LHFPL3: variants seen among roughly 807,000 people sequenced by gnomAD.
LHFPL3 encodes the protein LHFPL tetraspan subfamily member 3.
In LHFPL3, 5 loss-of-function variants were observed where a neutral mutation model predicts 19.3. The ratio of observed to expected loss-of-function variants is 0.26; its 90% confidence interval spans 0.14 to 0.54. LHFPL3 has a LOEUF of 0.54. Ranked by LOEUF, LHFPL3 falls within the 20% of genes least tolerant of loss-of-function variation. The probability of loss-of-function intolerance (pLI) is 0.94; values close to 1 mark genes in which losing one functional copy is unlikely to be tolerated. For missense variants in LHFPL3, 249 were observed against 307.4 expected (o/e 0.81, Z 1.42); for synonymous variants, 133 against 126.2 (o/e 1.05, Z -0.36).
intron 1 of LHFPL3, among the ~76,000 whole-genome samples, chr7:104,561,855 G>C (rs1790011582): frequency 6.6e-6 from 1 of 152,102 alleles, no homozygotes; most frequent in South Asian, 2.1e-4. Context: ...GCTTCCTTCA[G>C]GAGCTCTTGT....
intron 1 of LHFPL3, among the ~76,000 whole-genome samples, chr7:104,577,434 T>G (rs570344724): frequency 1.3e-5 from 2 of 152,300 alleles, no homozygotes; most frequent in Admixed American, 1.3e-4. Flanking sequence ...AGGAACAGTG[T>G]TAATCCTGTT....
At chr7:104,458,231 G>C (rs2116614739) in intron 1 of LHFPL3, among the ~76,000 whole-genome samples, 1 of 152,072 alleles carries the variant, frequency 6.6e-6, no homozygotes, top group Admixed American at 6.5e-5. Context: ...TTTTCTTCTA[G>C]GGTTTTTATG....
intron 1 of LHFPL3, among the ~76,000 whole-genome samples, chr7:104,591,082 G>A (rs1790710892): frequency 6.6e-6 from 1 of 152,148 alleles, no homozygotes; most frequent in Non-Finnish European, 1.5e-5. Context: ...GCCAGTCTGT[G>A]TCTTTTAATT....
At chr7:104,430,391 T>TATATATATATAC (rs1791946814) in intron 1 of LHFPL3, among the ~76,000 whole-genome samples, 5 of 51,034 alleles carry the variant, frequency 9.8e-5, no homozygotes, top group African/African-American at 4.9e-4. Flanking sequence ...TACATATATA[T>TATATATATATAC]ATATATATAT....
chr7:104,527,495 G>A (rs919177250), intron 1 of LHFPL3, among the ~76,000 whole-genome samples: 2 of 152,190 alleles, frequency 1.3e-5, no homozygotes, highest in Admixed American at 1.3e-4. Flanking sequence ...AAGGGGAACA[G>A]AGTTTCTGCA....
rs190128328 is a variant in LHFPL3 at position 104,367,535 on chromosome 7, G to C, written c.445+38311G>C. ...ATCAAATGAGCTATTTATGGCTTTG[G>C]GGTATAGATCGTCAGATGTTAAGCA... On this transcript the variant is annotated intron_variant, in intron 1 of 2. Coordinates refer to ENST00000424859, the MANE Select transcript of LHFPL3 (RefSeq NM_199000.3). Among the ~76,000 whole-genome samples the C allele has an allele frequency of 5.3e-5, 8 of 152,274 alleles. No homozygotes were observed. The East Asian group carries it at 1.5e-3, about 29-fold the overall frequency.
chr7:104,806,192 C>T (rs895066125), intron 2 of LHFPL3, among the ~76,000 whole-genome samples: 1 of 152,214 alleles, frequency 6.6e-6, no homozygotes, highest in African/African-American at 2.4e-5. Flanking sequence ...ATCTAACTGA[C>T]ATTTAGGTCA....
intron 2 of LHFPL3, among the ~76,000 whole-genome samples, chr7:104,835,156 A>G (rs995244293): frequency 6.6e-6 from 1 of 151,930 alleles, no homozygotes; most frequent in Admixed American, 6.5e-5. Flanking sequence ...TTTGGACCTC[A>G]GTTTACTGAT....
chr7:104,890,209 G>T (rs556889348), intron 2 of LHFPL3, among the ~76,000 whole-genome samples: 1 of 152,256 alleles, frequency 6.6e-6, no homozygotes, highest in African/African-American at 2.4e-5. Context: ...AGCCTGAGTT[G>T]GGAGGGTCCC....
intron 2 of LHFPL3, among the ~76,000 whole-genome samples, chr7:104,816,190 C>G (rs2116512646): frequency 6.6e-6 from 1 of 152,308 alleles, no homozygotes; most frequent in Admixed American, 6.5e-5. Flanking sequence ...ACAGCAACAG[C>G]ATTTGCCAGT....
chr7:104,512,724 A>T (rs925497949), intron 1 of LHFPL3, among the ~76,000 whole-genome samples: 3 of 152,022 alleles, frequency 2.0e-5, no homozygotes, highest in Non-Finnish European at 4.4e-5. Flanking sequence ...CGACAGAGTG[A>T]GGACACCTTC....
At chr7:104,478,039 A>G (rs982336497) in intron 1 of LHFPL3, among the ~76,000 whole-genome samples, 1 of 152,238 alleles carries the variant, frequency 6.6e-6, no homozygotes, top group African/African-American at 2.4e-5. Context: ...GATTGGAACA[A>G]TAAGCATTAA....
At chr7:104,345,214 T>G (rs1790040219) in intron 1 of LHFPL3, among the ~76,000 whole-genome samples, 1 of 152,202 alleles carries the variant, frequency 6.6e-6, no homozygotes, top group Non-Finnish European at 1.5e-5. Context: ...TCCTAATATA[T>G]TCACATAATA....
At chr7:104,859,281 A>C in intron 2 of LHFPL3, among the ~76,000 whole-genome samples, 1 of 150,418 alleles carries the variant, frequency 6.6e-6, no homozygotes, top group Admixed American at 6.6e-5. Flanking sequence ...AAAAAAAAAC[A>C]AAAAACCAAA....
chr7:104,356,286 T>G (rs1380485061), intron 1 of LHFPL3, among the ~76,000 whole-genome samples: 1 of 152,184 alleles, frequency 6.6e-6, no homozygotes, highest in African/African-American at 2.4e-5. Flanking sequence ...TACTCCTTCC[T>G]GTTGATTACA....
At chr7:104,578,274 C>T (rs931935380) in intron 1 of LHFPL3, among the ~76,000 whole-genome samples, 13 of 152,346 alleles carry the variant, frequency 8.5e-5, no homozygotes, top group African/African-American at 1.7e-4. Context: ...TGCTTAGCTG[C>T]GCTGTGATGG....
chr7:104,802,698 T>C (rs1165272394), intron 2 of LHFPL3: 1 of 152,070 alleles, frequency 6.6e-6, no homozygotes, highest in Admixed American at 6.6e-5. Flanking sequence ...GATATTCTGG[T>C]ATAGAACCCA....
chr7:104,477,797 A>G (rs1027036495), intron 1 of LHFPL3, among the ~76,000 whole-genome samples: 2 of 152,194 alleles, frequency 1.3e-5, no homozygotes, highest in African/African-American at 4.8e-5. Flanking sequence ...ATACAAAAGC[A>G]TTAACCAAAG....
chr7:104,539,038 C>T (rs767431172), intron 1 of LHFPL3, among the ~76,000 whole-genome samples: 59 of 152,256 alleles, frequency 3.9e-4, no homozygotes, highest in Non-Finnish European at 4.6e-4. Context: ...AATATGGCCT[C>T]TACAAGCTAG....
Sources: gnomAD v4.1 joint callset for allele counts (sites outside exome capture counted in the v4.1 genomes callset) on GRCh38, gnomAD v4.1.1 for gene constraint, MANE v1.5 for transcripts, NCBI Gene and HGNC (gene_info 2026-07-23, HGNC 2026-07-21) for gene names.